The following GAREM1 variants were observed in gnomAD, a reference collection of about 807,000 sequenced individuals.
GAREM1 encodes the protein GRB2 associated regulator of MAPK1 subtype 1.
A neutral mutation model predicts 71.3 loss-of-function variants in GAREM1; 26 were observed. That is an observed-to-expected ratio of 0.36 (90% confidence interval 0.27 to 0.51). The LOEUF (loss-of-function observed/expected upper bound fraction) is 0.51, where lower values mean the gene tolerates loss of function less well. Ranked by LOEUF, GAREM1 falls within the 20% of genes least tolerant of loss-of-function variation. The pLI, the probability that GAREM1 is intolerant of heterozygous loss-of-function variation, is 0.95. For missense variants in GAREM1, 1,026 were observed against 1,103.1 expected (o/e 0.93, Z 0.99); for synonymous variants, 440 against 433.2 (o/e 1.02, Z -0.20).
At chr18:32,402,747 C>A (rs1434769931) in intron 1 of GAREM1, among the ~76,000 whole-genome samples, 1 of 152,052 alleles carries the variant, frequency 6.6e-6, no homozygotes, top group East Asian at 1.9e-4. Flanking sequence ...GACTTTATTT[C>A]CCACACATTT....
At chr18:32,394,071 C>T (rs1599015588) in intron 1 of GAREM1, among the ~76,000 whole-genome samples, 1 of 152,238 alleles carries the variant, frequency 6.6e-6, no homozygotes, top group Non-Finnish European at 1.5e-5. Flanking sequence ...CTATCCCAAC[C>T]TAAAATGTCT....
At position 32,281,710 on chromosome 18, in the gene GAREM1, C is replaced by T. The variant is rs372969575; in HGVS notation, c.1566+5321G>A. On this transcript the variant is annotated intron_variant, in intron 4 of 5. Coordinates refer to ENST00000269209, the MANE Select transcript of GAREM1 (RefSeq NM_001242409.2). ...CAGATGGAGGCCGGGCACGGTGGCT[C>T]ATGCCTGTAATCCCAGCACTTTGGG... 2.7e-4 allele frequency among the ~76,000 whole-genome samples: 41 copies of T among 152,318 alleles called. 1 individual carries two copies. Among genetic ancestry groups the T allele is most frequent in the African/African-American group, 9.6e-4 (40 of 41,562 alleles).
Position 32,392,946 on chromosome 18 carries a change from C to T in GAREM1, c.211G>A (p.Glu71Lys). 6.2e-7 allele frequency: 1 copy of T among 1,613,902 alleles called. No individual in the cohort carries two copies. Among genetic ancestry groups the T allele is most frequent in the South Asian group, 1.1e-5 (1 of 91,064 alleles). The change falls in exon 2 of 6, where the codon GAG (glutamate) becomes AAG (lysine). Residue 71 changes from glutamate to lysine, a missense_variant. Glu to Lys is a moderately conservative substitution (Grantham distance 56, BLOSUM62 1). This residue lies in a region of GAREM1 where 172 missense variants were observed against 175.2 expected (regional missense o/e 0.98). Transcript: ENST00000269209. ...TTTGGCCCAATGACATAGTGACCCT[C>T]CTCCAAGCTGTGGGCAGTGATGGTG... is the stretch of plus-strand genomic sequence containing the variant. ...WTTITAHSLE[E>K]GHYVIGPKIE...
chr18:32,399,441 A>T (rs1377055037), intron 1 of GAREM1, among the ~76,000 whole-genome samples: 2 of 152,188 alleles, frequency 1.3e-5, no homozygotes, highest in African/African-American at 4.8e-5. Context: ...TCAGCCCAAA[A>T]TCTCCTTAAG....
chr18:32,406,539 AAAG>A lies in GAREM1; in HGVS notation c.122-13507_122-13505del, dbSNP rs1189592855. 2.6e-5 allele frequency among the ~76,000 whole-genome samples: 4 copies of A among 152,162 alleles called. No individual in the cohort carries two copies. The East Asian group carries it at 7.7e-4, about 29-fold the overall frequency. On this transcript the variant is annotated intron_variant, in intron 1 of 5. Coordinates refer to ENST00000269209, the MANE Select transcript of GAREM1 (RefSeq NM_001242409.2). ...CATAGAAAACTGCTACAAAACAATGAAAGAACAATCATGAAATCAAAAAATGAA... is the reference window on the plus strand; with the variant it reads ...CATAGAAAACTGCTACAAAACAATGAAACAATCATGAAATCAAAAAATGAA...
At chr18:32,336,227 G>A (rs190735286) in intron 2 of GAREM1, among the ~76,000 whole-genome samples, 111 of 152,150 alleles carry the variant, frequency 7.3e-4, no homozygotes, top group African/African-American at 2.4e-3. Context: ...TCAGGAGATC[G>A]AGACCATCCT....
Position 32,268,350 on chromosome 18 carries a change from G to A in GAREM1, c.2152C>T (p.Gln718Ter). Reference sequence around the variant, plus strand: ...GGTAAGGCAGGGCATGACGTACTCTGCTTTGTCACACCAGCTGCAAGAGAT... The same window carrying A: ...GGTAAGGCAGGGCATGACGTACTCTACTTTGTCACACCAGCTGCAAGAGAT... ...VKSLAAGVTK[Q>*]STSCPALPPR... The change falls in exon 6 of 6, where the codon CAG (glutamine) becomes TAG (stop). Residue 718 changes from glutamine (Q) to a stop codon, truncating the protein, a stop_gained. Coordinates refer to ENST00000269209, the MANE Select transcript of GAREM1 (RefSeq NM_001242409.2). LOFTEE classifies it high-confidence loss of function. The A allele has an allele frequency of 2.5e-6, 4 of 1,614,136 alleles. No individual in the cohort carries two copies. The highest frequency in any genetic ancestry group is 3.4e-6 in the Non-Finnish European group (4 of 1,180,012).
chr18:32,418,561 T>C (rs1430237441), intron 1 of GAREM1, among the ~76,000 whole-genome samples: 1 of 152,158 alleles, frequency 6.6e-6, no homozygotes, highest in Admixed American at 6.5e-5. Context: ...GAAACCTGTA[T>C]CCTCAAATCA....
At chr18:32,388,355 C>A (rs1429102147) in intron 2 of GAREM1, among the ~76,000 whole-genome samples, 1 of 152,074 alleles carries the variant, frequency 6.6e-6, no homozygotes, top group Non-Finnish European at 1.5e-5. Flanking sequence ...ACTGTTTTGC[C>A]ACCTTCATAG....
chr18:32,447,789 A>T (rs1214049289), intron 1 of GAREM1, among the ~76,000 whole-genome samples: 1 of 152,140 alleles, frequency 6.6e-6, no homozygotes, highest in Admixed American at 6.6e-5. Context: ...TGTTCACAAA[A>T]TTGGTTTTAT....
At chr18:32,388,405 A>G (rs1021629424) in intron 2 of GAREM1, among the ~76,000 whole-genome samples, 2 of 152,204 alleles carry the variant, frequency 1.3e-5, no homozygotes, top group African/African-American at 4.8e-5. Flanking sequence ...TAACTACTTA[A>G]TAGGGGAGTG....
At chr18:32,290,723 C>G (rs2047074404) in intron 3 of GAREM1, among the ~76,000 whole-genome samples, 1 of 151,688 alleles carries the variant, frequency 6.6e-6, no homozygotes, top group African/African-American at 2.4e-5. Context: ...GCTTTCAAAC[C>G]TATGAAAAGA....
intron 1 of GAREM1, among the ~76,000 whole-genome samples, chr18:32,427,612 C>T (rs2048587729): frequency 6.6e-6 from 1 of 152,168 alleles, no homozygotes; most frequent in South Asian, 2.1e-4. Context: ...TAAAATTTTT[C>T]CTCCAAGGGA....
intron 2 of GAREM1, among the ~76,000 whole-genome samples, chr18:32,333,243 T>G (rs1173092653): frequency 7.2e-4 from 89 of 124,222 alleles, no homozygotes; most frequent in Admixed American, 1.1e-3. Flanking sequence ...GGAAGGGGAG[T>G]GGAGAGGGGG....
At chr18:32,272,436 T>C (rs959113903) in intron 4 of GAREM1, among the ~76,000 whole-genome samples, 3 of 152,206 alleles carry the variant, frequency 2.0e-5, no homozygotes, top group Admixed American at 1.3e-4. Flanking sequence ...AGAAGCTCTT[T>C]AGACTAAAAG....
intron 1 of GAREM1, among the ~76,000 whole-genome samples, chr18:32,421,740 G>C (rs2048521427): frequency 6.6e-6 from 1 of 152,066 alleles, no homozygotes; most frequent in Non-Finnish European, 1.5e-5. Context: ...AGAAATTGGA[G>C]AGTCTCCTCT....
chr18:32,391,410 G>C (rs942677552), intron 2 of GAREM1, among the ~76,000 whole-genome samples: 1 of 152,192 alleles, frequency 6.6e-6, no homozygotes, highest in Non-Finnish European at 1.5e-5. Context: ...GTGATAAAAT[G>C]AGGGCACTCT....
At chr18:32,410,956 C>T (rs909975219) in intron 1 of GAREM1, among the ~76,000 whole-genome samples, 1 of 152,076 alleles carries the variant, frequency 6.6e-6, no homozygotes, top group African/African-American at 2.4e-5. Context: ...GTGAGTGCCA[C>T]CACGCCCAGC....
At chr18:32,303,325 C>T (rs749383948) in intron 3 of GAREM1, among the ~76,000 whole-genome samples, 3 of 152,136 alleles carry the variant, frequency 2.0e-5, no homozygotes, top group Non-Finnish European at 4.4e-5. Context: ...AATGCCAAAT[C>T]GAAGGCCACC....
Sources: gnomAD v4.1 joint callset for allele counts (sites outside exome capture counted in the v4.1 genomes callset) on GRCh38, gnomAD v4.1.1 for gene constraint, gnomAD v4.1.1 regional missense constraint, MANE v1.5 for transcripts, NCBI Gene and HGNC (gene_info 2026-07-23, HGNC 2026-07-21) for gene names.